CCM2L: variants seen among roughly 807,000 people sequenced by gnomAD.
The protein encoded by CCM2L is cerebral cavernous malformations 2 protein-like.
In CCM2L, 36 loss-of-function variants were observed where a neutral mutation model predicts 54.1. The ratio of observed to expected loss-of-function variants is 0.67; its 90% CI spans 0.51 to 0.88. The LOEUF (loss-of-function observed/expected upper bound fraction) is 0.88. CCM2L is among the 40% of genes least tolerant of loss of function. CCM2L has a pLI of 0.00. For synonymous variants in CCM2L, 351 were observed against 359.3 expected, an observed-to-expected ratio of 0.98 and a Z score of 0.26; for missense variants, 700 against 812.1, an observed-to-expected ratio of 0.86 and a Z score of 1.68.
At chr20:32,018,613 T>G (rs1301627934) in intron 4 of CCM2L, among the ~76,000 whole-genome samples, 1 of 149,152 alleles carries the variant, frequency 6.7e-6, no homozygotes, top group Non-Finnish European at 1.5e-5. Flanking sequence ...CGGGACTGGG[T>G]CCCCAGTTAA....
chr20:32,026,549 C>G (rs2064862326), intron 7 of CCM2L, among the ~76,000 whole-genome samples: 1 of 152,126 alleles, frequency 6.6e-6, no homozygotes, highest in South Asian at 2.1e-4. Flanking sequence ...CCATCACTAG[C>G]TGCAAGCAAA....
chr20:32,015,977 C>T (rs531886410), intron 2 of CCM2L, among the ~76,000 whole-genome samples: 2 of 151,854 alleles, frequency 1.3e-5, no homozygotes, highest in South Asian at 4.2e-4. Flanking sequence ...CTGCCTCAGC[C>T]TCCTTAATAG....
At position 32,015,066 on chromosome 20, in the gene CCM2L, G is replaced by A; in HGVS notation, c.193G>A (p.Val65Ile). Residue 65 changes from valine to isoleucine, a missense_variant, in exon 2 of 10, where the codon GTC (valine) becomes ATC (isoleucine). Coordinates refer to ENST00000452892, the MANE Select transcript of CCM2L (RefSeq NM_001365692.1). ...GCTGTGTGACTACCTGGAGAAAGAG[G>A]TCAAGGTGCGTGCAGGATGAGAAGG... ...ILLCDYLEKE[V>I]KFLGHLTWVT... 6.6e-7 allele frequency: 1 copy of A among 1,510,940 alleles called. No homozygotes were observed. Among genetic ancestry groups the A allele is most frequent in the East Asian group, 2.5e-5 (1 of 39,342 alleles). The allele number at this position is 1,510,940 out of a possible 1,614,324, so 93.6% of individuals were successfully genotyped here.
chr20:32,019,473 C>T, intron 5 of CCM2L, 64 bp downstream of exon 5: 1 of 1,171,802 alleles, frequency 8.5e-7, no homozygotes, highest in Non-Finnish European at 1.1e-6. Flanking sequence ...CCGCCCCCAC[C>T]TTGCCCCCGC....
rs758536277 is a variant in CCM2L at position 32,014,969 on chromosome 20, C to G, written c.96C>G (p.Ser32Arg). 1.3e-6 allele frequency: 2 copies of G among 1,598,474 alleles called. No homozygotes were observed. Among genetic ancestry groups the G allele is most frequent in the South Asian group, 2.2e-5 (2 of 89,962 alleles). ...PKAGRRAACR[S>R]SVSRRPLHSM... The stretch of plus-strand genomic sequence containing the variant: ...CCGGGCGCCGGGCAGCCTGTAGGAG[C>G]AGCGTGAGCCGCCGGCCCCTGCACT... Residue 32 changes from serine (S) to arginine (R), a missense_variant, in exon 2 of 10, where the codon AGC becomes AGG. Coordinates refer to ENST00000452892, the MANE Select transcript of CCM2L (RefSeq NM_001365692.1).
At chr20:32,017,505 T>C (rs1056976221) in intron 2 of CCM2L, among the ~76,000 whole-genome samples, 4 of 152,190 alleles carry the variant, frequency 2.6e-5, no homozygotes, top group African/African-American at 9.7e-5. Flanking sequence ...GGCTCTGGCA[T>C]GTGGATCCCA....
Position 32,019,195 on chromosome 20 carries a change from G to C in CCM2L, c.719G>C (p.Arg240Pro). The change falls in exon 5 of 10, where the codon CGG (arginine) becomes CCG (proline). Residue 240 changes from arginine (R) to proline (P), a missense_variant. Arg to Pro is a moderately radical substitution (Grantham distance 103, BLOSUM62 -2). Transcript: ENST00000452892. ...GARASGSWER[R>P]QTFSGSWERR... Reference sequence around the variant, plus strand: ...CGGGCGTCGGGCAGCTGGGAGCGACGGCAGACGTTCAGCGGCAGCTGGGAG... The same window carrying C: ...CGGGCGTCGGGCAGCTGGGAGCGACCGCAGACGTTCAGCGGCAGCTGGGAG... 1 of 1,137,350 alleles carries C rather than the reference G, an allele frequency of 8.8e-7. No individual in the cohort carries two copies. Among genetic ancestry groups the C allele is most frequent in the Non-Finnish European group, 1.1e-6 (1 of 914,908 alleles). The allele number at this position is 1,137,350 out of a possible 1,614,324, so 70.5% of individuals were successfully genotyped here. A position where few individuals can be genotyped will look rare whatever the true frequency, so the allele number is the denominator to read the frequency against.
intron 6 of CCM2L, among the ~76,000 whole-genome samples, chr20:32,023,133 A>T (rs2064822538): frequency 1.3e-5 from 2 of 148,432 alleles, no homozygotes; most frequent in African/African-American, 2.5e-5. Context: ...CACCCAGCTA[A>T]TTTTTTTTTT....
rs1568914684 is a variant in CCM2L, at chr20:32,018,169, C to CGGGAGGGGGCGGGGGCGGGGGAG, written c.466+11_466+33dup. 9.2e-7 allele frequency: 1 copy of CGGGAGGGGGCGGGGGCGGGGGAG among 1,089,876 alleles called. No individual in the cohort carries two copies. The highest frequency in any genetic ancestry group is 1.9e-5 in the African/African-American group (1 of 52,382). The allele number at this position is 1,089,876 out of a possible 1,614,324, so 67.5% of individuals were successfully genotyped here. On this transcript the variant is annotated splice_region_variant and intron_variant, in intron 4 of 9. Coordinates refer to ENST00000452892, the MANE Select transcript of CCM2L (RefSeq NM_001365692.1). ...CTGCTAGTGCTCAAGACCGGTGCGGCGGGAGGGGGCGGGGGCGGGGGAGGG... is the reference window on the plus strand; with the variant it reads ...CTGCTAGTGCTCAAGACCGGTGCGGCGGGAGGGGGCGGGGGCGGGGGAGGGGAGGGGGCGGGGGCGGGGGAGGG...
At position 32,019,228 on chromosome 20, in the gene CCM2L, ACGGAGGCGGCGGCGGCGGCGGCGGCG is replaced by A. The variant is rs1385918739; in HGVS notation, c.756_781del (p.Gly253LysfsTer5). ...TTCAGCGGCAGCTGGGAGCGGCGGC[ACGGAGGCGGCGGCGGCGGCGGCGGCG>A]CGGGAAAGCCGGGCGGTAGCTGGGA... On this transcript the variant is annotated frameshift_variant, in exon 5 of 10. Coordinates refer to ENST00000452892, the MANE Select transcript of CCM2L (RefSeq NM_001365692.1). LOFTEE classifies it high-confidence loss of function. 2.8e-5 allele frequency: 32 copies of A among 1,155,406 alleles called. No homozygotes were observed. In the Admixed American group the frequency reaches 5.7e-4, roughly 21 times the overall value. The allele number at this position is 1,155,406 out of a possible 1,614,324, so 71.6% of individuals were successfully genotyped here. A position where few individuals can be genotyped will look rare whatever the true frequency, so the allele number is the denominator to read the frequency against.
chr20:32,014,687 G>A (rs6061098), intron 1 of CCM2L, among the ~76,000 whole-genome samples: 1 of 152,148 alleles, frequency 6.6e-6, no homozygotes, highest in Non-Finnish European at 1.5e-5. Flanking sequence ...GAATGCCCAA[G>A]GTGAACTACT....
chr20:32,024,943 C>G (rs1017880626), intron 6 of CCM2L, among the ~76,000 whole-genome samples: 2 of 152,266 alleles, frequency 1.3e-5, no homozygotes, highest in African/African-American at 4.8e-5. Flanking sequence ...GGCTAATAAC[C>G]AGCTAAATGA....
intron 6 of CCM2L, among the ~76,000 whole-genome samples, chr20:32,023,834 G>A (rs2064829755): frequency 6.6e-6 from 1 of 152,220 alleles, no homozygotes; most frequent in Admixed American, 6.5e-5. Flanking sequence ...CGGTTCAAGT[G>A]ATTCTCCTGC....
intron 2 of CCM2L, among the ~76,000 whole-genome samples, chr20:32,017,411 T>G (rs560116251): frequency 2.8e-4 from 42 of 152,340 alleles, no homozygotes; most frequent in African/African-American, 8.9e-4. Flanking sequence ...TTTCAAGCTG[T>G]TATAATAACT....
At position 32,029,723 on chromosome 20, in the gene CCM2L, C is replaced by T. The variant is rs868185994; in HGVS notation, c.1287C>T (p.Leu429=). Reference sequence around the variant, plus strand: ...AGTTGCGGAGTAAGCTGGGGCCCCTCGAGATCCAGCAGTTTGCGATGCTGC... The same window carrying T: ...AGTTGCGGAGTAAGCTGGGGCCCCTTGAGATCCAGCAGTTTGCGATGCTGC... ...MVTLRSKLGP[L]EIQQFAMLLR... The change falls in exon 9 of 10, where the codon CTC becomes CTT. Residue 429 remains leucine, a synonymous_variant. Coordinates refer to ENST00000452892, the MANE Select transcript of CCM2L (RefSeq NM_001365692.1). The T allele has an allele frequency of 3.1e-5, 50 of 1,611,768 alleles. No homozygotes were observed. The highest frequency in any genetic ancestry group is 6.7e-5 in the African/African-American group (5 of 74,762).
rs765723772 is a variant in CCM2L, at chr20:32,018,044, C to T, written c.348C>T (p.Arg116=). 37 of 1,613,684 alleles carry T rather than the reference C, an allele frequency of 2.3e-5. No homozygotes were observed. The highest frequency in any genetic ancestry group is 3.0e-5 in the Non-Finnish European group (35 of 1,179,990). The change falls in exon 4 of 10, where the codon CGC becomes CGT. Residue 116 remains arginine, a synonymous_variant. Coordinates refer to ENST00000452892, the MANE Select transcript of CCM2L (RefSeq NM_001365692.1). ...ACAGCATCCTGAGCCTGTCTGCCCG[C>T]TGCCTGCTGCTCACCTGGCGCGACA... ...EQDSILSLSA[R]CLLLTWRDNE... is the part of the protein sequence containing the mutation.
chr20:32,026,246 G>A (rs1245399608), intron 7 of CCM2L, among the ~76,000 whole-genome samples: 1 of 152,194 alleles, frequency 6.6e-6, no homozygotes, highest in Non-Finnish European at 1.5e-5. Context: ...CCATGTAATA[G>A]AAAATCCCCA....
chr20:32,027,198 C>CT (rs2064870524), intron 7 of CCM2L, among the ~76,000 whole-genome samples: 1 of 152,330 alleles, frequency 6.6e-6, no homozygotes, highest in East Asian at 1.9e-4. Context: ...GGTTGATCAC[C>CT]TAGTTATATT....
Position 32,031,584 on chromosome 20 carries a change from T to TC in CCM2L, c.*270_*271insC. On this transcript the variant is annotated 3_prime_UTR_variant, in exon 10 of 10. Transcript: ENST00000452892. ...GCTGGGGCTGAGCAGCGATCCTGCT[T>TC]TGTCCCAGAAGTCCAGAGGGATCAG... 3.7e-6 allele frequency: 1 copy of TC among 269,724 alleles called. No homozygotes were observed. Among genetic ancestry groups the TC allele is most frequent in the Non-Finnish European group, 7.2e-6 (1 of 138,274 alleles). The allele number at this position is 269,724 out of a possible 1,614,324, so 16.7% of individuals were successfully genotyped here. A position where few individuals can be genotyped will look rare whatever the true frequency, so the allele number is the denominator to read the frequency against.
Sources: gnomAD v4.1 joint callset for allele counts (sites outside exome capture counted in the v4.1 genomes callset) on GRCh38, gnomAD v4.1.1 for gene constraint, MANE v1.5 for transcripts, NCBI Gene and HGNC (gene_info 2026-07-23, HGNC 2026-07-21) for gene names.